Variants in SLC26A7 observed in about 807,000 individuals in gnomAD.
SLC26A7 encodes the protein solute carrier family 26 member 7.
Under a neutral mutation model 82.5 loss-of-function variants are expected in SLC26A7, and 59 were observed. The observed-to-expected ratio is 0.72, with a 90% CI of 0.58 to 0.89. SLC26A7 has a LOEUF of 0.89. Ranked by LOEUF, SLC26A7 falls within the 40% of genes least tolerant of loss-of-function variation. SLC26A7 has a pLI of 0.00. For synonymous variants in SLC26A7, 271 were observed against 274.3 expected (o/e 0.99, Z 0.12); for missense variants, 820 against 793.0 (o/e 1.03, Z -0.41).
intron 2 of SLC26A7, among the ~76,000 whole-genome samples, chr8:91,287,547 GC>G (rs1282938631): frequency 1.1e-4 from 17 of 152,284 alleles, no homozygotes; most frequent in Admixed American, 3.9e-4. Flanking sequence ...TAATCCAGGA[GC>G]TTTTGCTAAA....
chr8:91,270,267 G>T (rs191829675), intron 2 of SLC26A7, among the ~76,000 whole-genome samples: 1 of 152,172 alleles, frequency 6.6e-6, no homozygotes, highest in African/African-American at 2.4e-5. Flanking sequence ...GAACTTAATC[G>T]CAGGCCTGCT....
rs909716844 is a variant in SLC26A7 at position 91,343,467 on chromosome 8, G to T, written c.1140+1G>T. ...GTACAGCACAGGAGCGAAGACACAG[G>T]TAACTGAATTGTTCCACAGGGACAA... On this transcript the variant is annotated splice_donor_variant, in intron 9 of 18. Transcript: ENST00000276609. LOFTEE classifies it high-confidence loss of function. 1.2e-6 allele frequency: 2 copies of T among 1,607,540 alleles called. No individual in the cohort carries two copies. Among genetic ancestry groups the T allele is most frequent in the African/African-American group, 2.7e-5 (2 of 74,864 alleles).
intron 1 of SLC26A7, among the ~76,000 whole-genome samples, chr8:91,209,699 G>A (rs1283543500): frequency 6.6e-6 from 1 of 152,116 alleles, no homozygotes; most frequent in Non-Finnish European, 1.5e-5. Flanking sequence ...AGAGTTTAAT[G>A]CTGTGATTAG....
intron 5 of SLC26A7, among the ~76,000 whole-genome samples, chr8:91,324,826 G>A (rs192330160): frequency 6.6e-6 from 1 of 152,330 alleles, no homozygotes. Flanking sequence ...AACCTTTTCT[G>A]AGGACATGGC....
chr8:91,367,254 C>T (rs561594108), intron 14 of SLC26A7, among the ~76,000 whole-genome samples: 42 of 152,236 alleles, frequency 2.8e-4, no homozygotes, highest in Non-Finnish European at 5.3e-4. Context: ...GTGATCCACC[C>T]GCCTCGGCCT....
chr8:91,365,529 G>T (rs1395430106), intron 13 of SLC26A7, among the ~76,000 whole-genome samples: 2 of 152,042 alleles, frequency 1.3e-5, no homozygotes, highest in Admixed American at 6.5e-5. Flanking sequence ...TTTCTAAGAG[G>T]TTTACTCTTG....
chr8:91,323,162 T>C (rs1812838434), intron 5 of SLC26A7, among the ~76,000 whole-genome samples: 1 of 152,188 alleles, frequency 6.6e-6, no homozygotes, highest in Non-Finnish European at 1.5e-5. Flanking sequence ...GTGACATCTC[T>C]ATTGTGAATT....
intron 4 of SLC26A7, among the ~76,000 whole-genome samples, chr8:91,299,497 TTTTA>T (rs1343000897): frequency 6.6e-6 from 1 of 152,126 alleles, no homozygotes; most frequent in Non-Finnish European, 1.5e-5. Flanking sequence ...ATGGATGTAA[TTTTA>T]TTTTTTTCTA....
intron 15 of SLC26A7, among the ~76,000 whole-genome samples, chr8:91,375,548 C>T (rs1814487607): frequency 6.6e-6 from 1 of 151,632 alleles, no homozygotes. Context: ...AGGCTAAAAA[C>T]AGACCCCCAA....
At chr8:91,238,842 A>G (rs1810427443) in intron 2 of SLC26A7, among the ~76,000 whole-genome samples, 3 of 152,116 alleles carry the variant, frequency 2.0e-5, no homozygotes, top group Non-Finnish European at 4.4e-5. Context: ...GAACGTTTAT[A>G]GGGTAGAAGA....
intron 18 of SLC26A7, chr8:91,394,536 A>G: frequency 7.8e-7 from 1 of 1,289,620 alleles, no homozygotes; most frequent in Non-Finnish European, 9.8e-7. Flanking sequence ...GTTTAGTTTT[A>G]CAACTGTTCT....
At chr8:91,279,133 A>G (rs1478894419) in intron 2 of SLC26A7, among the ~76,000 whole-genome samples, 2,035 of 41,464 alleles carry the variant, frequency 0.049, 30 homozygotes, top group African/African-American at 0.083. Flanking sequence ...GTGTATATAT[A>G]TATATATATA....
rs1358235678 is a variant in SLC26A7, at chr8:91,395,342, A to G, written c.*245A>G. 1.1e-5 allele frequency: 9 copies of G among 850,768 alleles called. No individual in the cohort carries two copies. The highest frequency in any genetic ancestry group is 1.8e-5 in the African/African-American group (1 of 56,970). The allele number at this position is 850,768 out of a possible 1,614,324, so 52.7% of individuals were successfully genotyped here. A position where few individuals can be genotyped will look rare whatever the true frequency, so the allele number is the denominator to read the frequency against. ...ATCAGTATGTGTTTAGTTTTAGTGTACTGAAGGGTAAACATGGTTTTATTT... is the reference window on the plus strand; with the variant it reads ...ATCAGTATGTGTTTAGTTTTAGTGTGCTGAAGGGTAAACATGGTTTTATTT... On this transcript the variant is annotated 3_prime_UTR_variant, in exon 19 of 19. Transcript: ENST00000276609.
chr8:91,326,221 G>C (rs906015407), intron 5 of SLC26A7, among the ~76,000 whole-genome samples: 3 of 152,144 alleles, frequency 2.0e-5, no homozygotes, highest in Non-Finnish European at 4.4e-5. Flanking sequence ...GTGATTCTAA[G>C]AACAAAAGCT....
At chr8:91,343,883 A>C (rs1813488396) in intron 9 of SLC26A7, 1 of 380,978 alleles carries the variant, frequency 2.6e-6, no homozygotes, top group Non-Finnish European at 3.6e-6. Flanking sequence ...ATGTACAAGT[A>C]TATAAATGAA....
At chr8:91,342,596 T>C (rs763784613) in intron 8 of SLC26A7, among the ~76,000 whole-genome samples, 57 of 152,264 alleles carry the variant, frequency 3.7e-4, no homozygotes, top group African/African-American at 1.1e-3. Context: ...ATCTAAGCAA[T>C]TGGAACTTCA....
At chr8:91,366,458 A>G (rs1242511703) in intron 13 of SLC26A7, 122 bp from the exon 14 acceptor site, 1 of 1,080,684 alleles carries the variant, frequency 9.3e-7, no homozygotes, top group African/African-American at 1.6e-5. Flanking sequence ...CTCTAAATAC[A>G]TTTTAGTAAT....
intron 15 of SLC26A7, 82 bp downstream of exon 15, chr8:91,369,915 C>T: frequency 3.8e-6 from 4 of 1,052,110 alleles, no homozygotes; most frequent in Non-Finnish European, 5.7e-6. Flanking sequence ...TCCCCTTCTC[C>T]TCCTCATCTG....
chr8:91,326,472 G>T (rs1231188209), intron 5 of SLC26A7, among the ~76,000 whole-genome samples: 4 of 152,232 alleles, frequency 2.6e-5, no homozygotes, highest in African/African-American at 7.2e-5. Flanking sequence ...CTGTGTCTCT[G>T]TGTCCTGATT....
Sources: allele counts gnomAD v4.1 joint callset (sites outside exome capture counted in the v4.1 genomes callset), GRCh38; gene constraint gnomAD v4.1.1; transcripts MANE v1.5; gene names NCBI Gene and HGNC (gene_info 2026-07-23, HGNC 2026-07-21).